Variants in SOX5 observed in about 807,000 individuals in gnomAD.
The protein encoded by SOX5 is transcription factor SOX-5.
A neutral mutation model predicts 92.0 loss-of-function variants in SOX5; 9 were observed. The ratio of observed to expected loss-of-function variants is 0.10; its 90% CI spans 0.06 to 0.17. The LOEUF is 0.17. Ranked by LOEUF, SOX5 falls within the 10% of genes least tolerant of loss-of-function variation. The pLI is 1.00. For synonymous variants in SOX5, 344 were observed against 336.3 expected, an observed-to-expected ratio of 1.02 and a Z score of -0.25; for missense variants, 642 against 944.5, an observed-to-expected ratio of 0.68 and a Z score of 4.20.
chr12:24,021,252 G>A (rs1378511826), intron 4 of SOX5, among the ~76,000 whole-genome samples: 1 of 152,162 alleles, frequency 6.6e-6, no homozygotes, highest in Non-Finnish European at 1.5e-5. Context: ...TGCATGAGAT[G>A]GGGACAGAGG....
At chr12:24,199,985 G>T (rs1422991092) in intron 4 of SOX5, among the ~76,000 whole-genome samples, 1 of 152,026 alleles carries the variant, frequency 6.6e-6, no homozygotes, top group African/African-American at 2.4e-5. Flanking sequence ...ATAGATAAAG[G>T]ATATTATTCA....
At chr12:23,564,903 G>A (rs896613558) in intron 10 of SOX5, among the ~76,000 whole-genome samples, 3 of 152,190 alleles carry the variant, frequency 2.0e-5, no homozygotes, top group East Asian at 1.9e-4. Context: ...TGAAGAAACC[G>A]ATGTCAGAAA....
At chr12:23,973,485 G>A (rs73283670) in intron 4 of SOX5, among the ~76,000 whole-genome samples, 360 of 152,122 alleles carry the variant, frequency 2.4e-3, no homozygotes, top group African/African-American at 8.3e-3. Context: ...TAAAGGCTGC[G>A]GTTAGGGGGA....
chr12:23,966,490 C>T (rs1947600221), intron 4 of SOX5, among the ~76,000 whole-genome samples: 1 of 151,920 alleles, frequency 6.6e-6, no homozygotes, highest in South Asian at 2.1e-4. Flanking sequence ...TATTGAACTG[C>T]CCAGTACAGG....
At chr12:24,367,136 C>A (rs1035479616) in intron 2 of SOX5, among the ~76,000 whole-genome samples, 1 of 152,064 alleles carries the variant, frequency 6.6e-6, no homozygotes, top group Non-Finnish European at 1.5e-5. Context: ...CCAGACTTAG[C>A]TGACATAATT....
intron 1 of SOX5, among the ~76,000 whole-genome samples, chr12:24,549,244 A>G (rs890917866): frequency 7.2e-5 from 11 of 152,198 alleles, no homozygotes; most frequent in African/African-American, 2.7e-4. Context: ...ACAATTTGCA[A>G]TCATAAACGC....
At position 23,774,275 on chromosome 12, in the gene SOX5, A is replaced by G. The variant is rs142574573; in HGVS notation, c.482-18551T>C. ...TTTTCTAAACCAAACTGATGTTTTG[A>G]TCTGGGACCTATTACTAGAAAATGA... is the stretch of plus-strand genomic sequence containing the variant. On this transcript the variant is annotated intron_variant, in intron 3 of 14. Transcript: ENST00000451604. Among the ~76,000 whole-genome samples, 1,501 of 152,328 alleles carry G rather than the reference A, an allele frequency of 9.9e-3. 11 individuals are homozygous for G. The highest frequency in any genetic ancestry group is 0.034 in the Middle Eastern group (10 of 294).
upstream of SOX5, chr12:23,950,970 C>A: frequency 5.6e-6 from 5 of 887,810 alleles, no homozygotes; most frequent in Non-Finnish European, 8.7e-6. Context: ...ATTCTTCACA[C>A]ACGCATGCAC....
intron 3 of SOX5, among the ~76,000 whole-genome samples, chr12:24,224,569 G>T (rs1037546911): frequency 6.6e-6 from 1 of 152,028 alleles, no homozygotes; most frequent in African/African-American, 2.4e-5. Flanking sequence ...GTGTGTGTGT[G>T]TATGCAGGCA....
At chr12:23,547,443 C>A (rs916054155) in intron 11 of SOX5, among the ~76,000 whole-genome samples, 1 of 152,032 alleles carries the variant, frequency 6.6e-6, no homozygotes, top group Admixed American at 6.6e-5. Flanking sequence ...CACTGCAGAA[C>A]TGCTATTGAC....
chr12:24,316,275 C>G (rs909749194), intron 2 of SOX5, among the ~76,000 whole-genome samples: 1 of 152,084 alleles, frequency 6.6e-6, no homozygotes, highest in Non-Finnish European at 1.5e-5. Flanking sequence ...GAGGGTCTAT[C>G]GTGACACCCA....
chr12:24,323,251 G>C (rs772392545), intron 2 of SOX5, among the ~76,000 whole-genome samples: 6 of 151,512 alleles, frequency 4.0e-5, no homozygotes, highest in African/African-American at 1.2e-4. Flanking sequence ...CAAAATAGTA[G>C]GGTAGGTTGA....
intron 6 of SOX5, among the ~76,000 whole-genome samples, chr12:23,714,029 T>G (rs1332464785): frequency 6.6e-6 from 1 of 150,752 alleles, no homozygotes; most frequent in African/African-American, 2.4e-5. Context: ...GGGGCAGAGG[T>G]TGCAGTGAGC....
At chr12:24,269,019 G>C (rs1328572215) in intron 3 of SOX5, among the ~76,000 whole-genome samples, 1 of 152,180 alleles carries the variant, frequency 6.6e-6, no homozygotes, top group Non-Finnish European at 1.5e-5. Flanking sequence ...CATTCTCAAA[G>C]GCCAGTGAAC....
chr12:23,855,177 G>GT (rs906634651), intron 2 of SOX5, among the ~76,000 whole-genome samples: 4 of 151,902 alleles, frequency 2.6e-5, no homozygotes, highest in Non-Finnish European at 4.4e-5. Flanking sequence ...AGTTTTTATA[G>GT]TTTTTTCTGC....
At chr12:23,652,139 G>T (rs989756987) in intron 7 of SOX5, among the ~76,000 whole-genome samples, 1 of 151,960 alleles carries the variant, frequency 6.6e-6, no homozygotes, top group Admixed American at 6.6e-5. Context: ...TTGGGGAAAT[G>T]CTTTATAAAT....
intron 4 of SOX5, among the ~76,000 whole-genome samples, chr12:24,042,765 T>C (rs1006841261): frequency 2.0e-5 from 3 of 152,092 alleles, no homozygotes; most frequent in African/African-American, 7.2e-5. Flanking sequence ...AATCCACCAA[T>C]GGATATATAT....
chr12:24,355,000 T>C (rs953779707), intron 2 of SOX5, among the ~76,000 whole-genome samples: 1 of 152,212 alleles, frequency 6.6e-6, no homozygotes, highest in South Asian at 2.1e-4. Context: ...GTGTGTATTT[T>C]AACTAAGTTT....
At chr12:23,942,173 A>G (rs1243457006) in intron 1 of SOX5, among the ~76,000 whole-genome samples, 2 of 151,826 alleles carry the variant, frequency 1.3e-5, no homozygotes, top group Non-Finnish European at 2.9e-5. Context: ...TTACTTTTTT[A>G]TCTTGTGTTC....
Sources: gnomAD v4.1 joint callset for allele counts (sites outside exome capture counted in the v4.1 genomes callset) on GRCh38, gnomAD v4.1.1 for gene constraint, MANE v1.5 for transcripts, NCBI Gene and HGNC (gene_info 2026-07-23, HGNC 2026-07-21) for gene names.